ZNF875: variants seen among roughly 807,000 people sequenced by gnomAD.
ZNF875 encodes the protein HKR1, GLI-Kruppel zinc finger family member.
ZNF875 carries 14 observed loss-of-function variants against 11.2 expected under a neutral mutation model. The ratio of observed to expected loss-of-function variants is 1.26; its 90% CI spans 0.83 to 1.96. The LOEUF (loss-of-function observed/expected upper bound fraction) is 1.96, where lower values mean the gene tolerates loss of function less well. Ranked by LOEUF, ZNF875 falls within the 30% of genes most tolerant of loss-of-function variation. The pLI is 0.00. For synonymous variants in ZNF875, 301 were observed against 281.1 expected (o/e 1.07, Z -0.71); for missense variants, 752 against 760.4 (o/e 0.99, Z 0.13).
chr19:37,363,499 G>A lies in ZNF875; in HGVS notation c.1647G>A (p.Leu549=), dbSNP rs758494686. The A allele has an allele frequency of 9.3e-6, 15 of 1,613,060 alleles. No individual in the cohort carries two copies. The Admixed American group carries it at 2.3e-4, about 25-fold the overall frequency. Residue 549 remains leucine (L), a synonymous_variant, in exon 5 of 5, where the codon CTG becomes CTA. Transcript: ENST00000392153. ...GAAGGTTTCGGCAGAAGCCTAACCT[G>A]TTTAGGCACAAGAGGGCACACTCAG... ...CGRRFRQKPN[L]FRHKRAHSGA...
At chr19:37,354,478 G>A (rs1271360486) in intron 4 of ZNF875, among the ~76,000 whole-genome samples, 1 of 151,558 alleles carries the variant, frequency 6.6e-6, no homozygotes, top group African/African-American at 2.4e-5. Context: ...CAGGGTTCTT[G>A]TGACCATTTC....
chr19:37,324,540 G>T, intron 4 of ZNF875, among the ~76,000 whole-genome samples: 1 of 152,096 alleles, frequency 6.6e-6, no homozygotes, highest in Non-Finnish European at 1.5e-5. Context: ...TTTTGAGGAG[G>T]AGTTCCTGTC....
chr19:37,345,540 G>A (rs1168559612), intron 2 of ZNF875, among the ~76,000 whole-genome samples: 1 of 152,184 alleles, frequency 6.6e-6, no homozygotes, highest in Non-Finnish European at 1.5e-5. Flanking sequence ...GACAAGGCAT[G>A]TACCTAAATG....
upstream of ZNF875, chr19:37,334,572 C>G: frequency 2.5e-6 from 1 of 392,166 alleles, no homozygotes; most frequent in South Asian, 1.8e-5. Context: ...AGCTCCGAAA[C>G]TACAATCCCC....
rs1362579586 is a variant in ZNF875, at chr19:37,362,746, C to T, written c.894C>T (p.Ile298=). 6.2e-7 allele frequency: 1 copy of T among 1,613,244 alleles called. No homozygotes were observed. Among genetic ancestry groups the T allele is most frequent in the African/African-American group, 1.3e-5 (1 of 74,854 alleles). ...GCTTTACGTGGAAGTCAAACCTGAT[C>T]ACACATCAGAGGACACACTCAGGGG... ...GRGFTWKSNL[I]THQRTHSGEK... The change falls in exon 5 of 5, where the codon ATC becomes ATT. Residue 298 remains isoleucine (I), a synonymous_variant. Coordinates refer to ENST00000392153, the MANE Select transcript of ZNF875 (RefSeq NM_001353803.2).
At chr19:37,352,092 C>T (rs191076032) in intron 4 of ZNF875, among the ~76,000 whole-genome samples, 3 of 152,292 alleles carry the variant, frequency 2.0e-5, no homozygotes, top group Admixed American at 1.3e-4. Context: ...TGCTATGAGG[C>T]ACATGTACAT....
intron 1 of ZNF875, among the ~76,000 whole-genome samples, chr19:37,320,855 T>TC (rs1173934094): frequency 6.6e-6 from 1 of 152,190 alleles, no homozygotes; most frequent in East Asian, 1.9e-4. Flanking sequence ...CATAAGAGAC[T>TC]CCATTTTGTT....
chr19:37,357,266 C>G (rs1461717667), intron 4 of ZNF875, among the ~76,000 whole-genome samples: 1 of 152,038 alleles, frequency 6.6e-6, no homozygotes, highest in Admixed American at 6.5e-5. Context: ...ATATTTCCAG[C>G]TTTGTTCTTT....
At chr19:37,350,773 G>C (rs1425874385) in intron 4 of ZNF875, among the ~76,000 whole-genome samples, 2 of 132,408 alleles carry the variant, frequency 1.5e-5, no homozygotes, top group Non-Finnish European at 3.2e-5. Flanking sequence ...CTACTGATCT[G>C]TTCCCCATCA....
intron 4 of ZNF875, among the ~76,000 whole-genome samples, chr19:37,358,998 T>TCAAGTGATTCTCCTGCCTC (rs1180764061): frequency 1.3e-5 from 2 of 152,018 alleles, no homozygotes; most frequent in African/African-American, 4.8e-5. Context: ...CCTCCTGGGT[T>TCAAGTGATTCTCCTGCCTC]CAAGTGATTC....
rs747392346 is a variant in ZNF875, at chr19:37,363,191, G to T, written c.1339G>T (p.Val447Phe). The T allele has an allele frequency of 3.1e-6, 5 of 1,613,494 alleles. No individual in the cohort carries two copies. The highest frequency in any genetic ancestry group is 1.7e-4 in the Middle Eastern group (1 of 6,054). The change falls in exon 5 of 5, where the codon GTT (valine) becomes TTT (phenylalanine). Residue 447 changes from valine to phenylalanine, a missense_variant. Coordinates refer to ENST00000392153, the MANE Select transcript of ZNF875 (RefSeq NM_001353803.2). ...AACACACCAGAGGACACACTCAGGG[G>T]TTAAACCTTATGTCTGCCTGGAGTG... ...LKTHQRTHSG[V>F]KPYVCLECGQ...
chr19:37,334,556 C>T (rs750099043), upstream of ZNF875: 1 of 376,770 alleles, frequency 2.7e-6, no homozygotes, highest in Admixed American at 3.2e-5. Flanking sequence ...ACTTCTCCGC[C>T]TCTGTAGCTC....
rs767214467 is a variant in ZNF875 at position 37,362,602 on chromosome 19, G to C, written c.750G>C (p.Gly250=). ...TTAGCCTCCAGAAGACACAAACTGGGGAGACACCTTACATGTACACTGAGT... is the reference window on the plus strand; with the variant it reads ...TTAGCCTCCAGAAGACACAAACTGGCGAGACACCTTACATGTACACTGAGT... ...NLLSLQKTQT[G]ETPYMYTEWG... The change falls in exon 5 of 5, where the codon GGG becomes GGC. Residue 250 remains glycine (G), a synonymous_variant. Transcript: ENST00000392153. 6.2e-7 allele frequency: 1 copy of C among 1,614,016 alleles called. No individual in the cohort carries two copies. The highest frequency in any genetic ancestry group is 8.5e-7 in the Non-Finnish European group (1 of 1,179,974).
rs867587445 is a variant in ZNF875, at chr19:37,341,239, A to G, written c.34-5951A>G. Among the ~76,000 whole-genome samples the G allele has an allele frequency of 2.6e-5, 4 of 152,326 alleles. No homozygotes were observed. The South Asian group carries it at 8.3e-4, about 32-fold the overall frequency. Reference sequence around the variant, plus strand: ...CCTTTGCTGTATAATGAACAATCCTAAACATCAATGGCTTAAAACAAAATC... The same window carrying G: ...CCTTTGCTGTATAATGAACAATCCTGAACATCAATGGCTTAAAACAAAATC... On this transcript the variant is annotated intron_variant, in intron 2 of 4. Transcript: ENST00000392153.
upstream of ZNF875, among the ~76,000 whole-genome samples, chr19:37,314,307 G>T (rs1206605234): frequency 6.6e-6 from 1 of 151,810 alleles, no homozygotes. Flanking sequence ...TAGATATGTG[G>T]GTCTCACTAT....
upstream of ZNF875, among the ~76,000 whole-genome samples, chr19:37,314,295 T>A (rs1042124870): frequency 2.6e-5 from 4 of 152,086 alleles, no homozygotes; most frequent in South Asian, 2.1e-4. Context: ...TTATTTTTTT[T>A]ATAGATATGT....
At chr19:37,326,864 T>C (rs1308345088) in intron 4 of ZNF875, among the ~76,000 whole-genome samples, 1 of 151,676 alleles carries the variant, frequency 6.6e-6, no homozygotes, top group Admixed American at 6.6e-5. Context: ...GCCAGAGTTT[T>C]GCCATTTTGG....
chr19:37,332,840 CA>C (rs539297580), upstream of ZNF875, among the ~76,000 whole-genome samples: 5 of 152,124 alleles, frequency 3.3e-5, no homozygotes, highest in Non-Finnish European at 5.9e-5. Flanking sequence ...TTTCACATCT[CA>C]AGCCAGTTAA....
upstream of ZNF875, among the ~76,000 whole-genome samples, chr19:37,313,730 A>T (rs2030060805): frequency 7.5e-6 from 1 of 133,794 alleles, no homozygotes; most frequent in Non-Finnish European, 1.6e-5. Context: ...TGTGTTGACC[A>T]TTTTACACAT....
Sources: gnomAD v4.1 joint callset for allele counts (sites outside exome capture counted in the v4.1 genomes callset) on GRCh38, gnomAD v4.1.1 for gene constraint, MANE v1.5 for transcripts, NCBI Gene and HGNC (gene_info 2026-07-23, HGNC 2026-07-21) for gene names.